Variants in ARIH1 observed in about 807,000 individuals in gnomAD.
ARIH1 encodes the protein ariadne RBR E3 ubiquitin protein ligase 1.
A neutral mutation model predicts 85.0 loss-of-function variants in ARIH1; 8 were observed. The observed-to-expected ratio is 0.09, with a 90% CI of 0.06 to 0.17. The LOEUF (loss-of-function observed/expected upper bound fraction) is 0.17. ARIH1 is among the 10% of genes least tolerant of loss of function. ARIH1 has a pLI of 1.00. For missense variants in ARIH1, 311 were observed against 718.1 expected (o/e 0.43, Z 6.48); for synonymous variants, 238 against 253.6 (o/e 0.94, Z 0.59).
At chr15:72,579,500 C>T (rs2064287009) in intron 11 of ARIH1, among the ~76,000 whole-genome samples, 1 of 152,154 alleles carries the variant, frequency 6.6e-6, no homozygotes, top group Non-Finnish European at 1.5e-5. Context: ...TGTTTTACAT[C>T]TTGTGGCATA....
chr15:72,535,804 G>A (rs1029068588), intron 2 of ARIH1, among the ~76,000 whole-genome samples: 1 of 151,982 alleles, frequency 6.6e-6, no homozygotes, highest in Admixed American at 6.6e-5. Context: ...TTGGAAAGAG[G>A]TGGACAAAAA....
At chr15:72,533,266 A>T (rs1196355509) in intron 2 of ARIH1, among the ~76,000 whole-genome samples, 1 of 152,118 alleles carries the variant, frequency 6.6e-6, no homozygotes, top group Non-Finnish European at 1.5e-5. Flanking sequence ...AGTAGCTGGG[A>T]CTACAGGACC....
chr15:72,582,988 TC>T lies in ARIH1; in HGVS notation c.1590-217del, dbSNP rs1250061871. Among the ~76,000 whole-genome samples the T allele has an allele frequency of 2.6e-5, 4 of 152,182 alleles. No individual in the cohort carries two copies. In the South Asian group the frequency reaches 8.3e-4, roughly 31 times the overall value. Reference sequence around the variant, plus strand: ...AACACTTTATTGCTTTAAAATTAATTCCCATGGAATCATGGCTTTCAGAAAA... The same window carrying T: ...AACACTTTATTGCTTTAAAATTAATTCCATGGAATCATGGCTTTCAGAAAA... On this transcript the variant is annotated intron_variant, in intron 13 of 13. Coordinates refer to ENST00000379887, the MANE Select transcript of ARIH1 (RefSeq NM_005744.5). The surrounding 1 kb of genome is among the most constrained non-coding windows in gnomAD (Gnocchi z 4.6).
intron 1 of ARIH1, among the ~76,000 whole-genome samples, chr15:72,495,952 C>T (rs2063878228): frequency 6.6e-6 from 1 of 151,948 alleles, no homozygotes; most frequent in Admixed American, 6.6e-5. Flanking sequence ...TTTCTGTCAC[C>T]CAAGCTGGAG....
intron 2 of ARIH1, among the ~76,000 whole-genome samples, chr15:72,530,967 G>C (rs2064053898): frequency 6.6e-6 from 1 of 152,172 alleles, no homozygotes; most frequent in Non-Finnish European, 1.5e-5. Context: ...AGATAAAAAT[G>C]ACTGAGAATT....
chr15:72,506,855 G>T (rs28459146), intron 1 of ARIH1, among the ~76,000 whole-genome samples: 334 of 150,550 alleles, frequency 2.2e-3, no homozygotes, highest in African/African-American at 7.8e-3. Flanking sequence ...TGTTTTTTTT[G>T]TTTGTTTTTT....
rs922276450 is a variant in ARIH1 at position 72,584,171 on chromosome 15, C to T, written c.*879C>T. 4 of 152,180 alleles carry T rather than the reference C, an allele frequency of 2.6e-5. No individual in the cohort carries two copies. Among genetic ancestry groups the T allele is most frequent in the Non-Finnish European group, 5.9e-5 (4 of 68,080 alleles). 9.4% of individuals were successfully genotyped at this position (152,180 alleles called of 1,614,324 possible). ...TGGTGTTGGTATGTCTGTTGCCGGC[C>T]ATGGGCCTCATGCCTTGAATTCCTG... is the stretch of plus-strand genomic sequence containing the variant. On this transcript the variant is annotated 3_prime_UTR_variant, in exon 14 of 14. Coordinates refer to ENST00000379887, the MANE Select transcript of ARIH1 (RefSeq NM_005744.5).
rs2064312794 is a variant in ARIH1, at chr15:72,585,588, G to A, written c.*2296G>A. 6.6e-6 allele frequency: 1 copy of A among 151,816 alleles called. No individual in the cohort carries two copies. Among genetic ancestry groups the A allele is most frequent in the Non-Finnish European group, 1.5e-5 (1 of 67,974 alleles). 9.4% of individuals were successfully genotyped at this position (151,816 alleles called of 1,614,324 possible). On this transcript the variant is annotated 3_prime_UTR_variant, in exon 14 of 14. Coordinates refer to ENST00000379887, the MANE Select transcript of ARIH1 (RefSeq NM_005744.5). ...CTAGGTTTGAGTGTCATAAATCCAC[G>A]TGTTCCTGTTGCAACAAATACCCAA...
rs950948194 is a variant in ARIH1 at position 72,598,155 on chromosome 15, C to T, written c.*14863C>T. The T allele has an allele frequency of 1.4e-4, 21 of 152,186 alleles. No homozygotes were observed. The highest frequency in any genetic ancestry group is 1.2e-3 in the Admixed American group (19 of 15,268). 9.4% of individuals were successfully genotyped at this position (152,186 alleles called of 1,614,324 possible). ...TATTTTTTGTTGAGATAGGGTTTTACCATGTTGCCCAGGCTGATCTCAAAC... is the reference window on the plus strand; with the variant it reads ...TATTTTTTGTTGAGATAGGGTTTTATCATGTTGCCCAGGCTGATCTCAAAC... On this transcript the variant is annotated 3_prime_UTR_variant, in exon 14 of 14. Transcript: ENST00000379887.
Position 72,534,761 on chromosome 15 carries a change from A to G in ARIH1, c.444-10059A>G, listed in dbSNP as rs531268563. ...TGAAAACCTTGTGTACATTCACTCC[A>G]TTCTGTATGTCTTTGCTTATAACTG... On this transcript the variant is annotated intron_variant, in intron 2 of 13. Coordinates refer to ENST00000379887, the MANE Select transcript of ARIH1 (RefSeq NM_005744.5). 3.3e-5 allele frequency among the ~76,000 whole-genome samples: 5 copies of G among 152,050 alleles called. No individual in the cohort carries two copies. In the South Asian group the frequency reaches 6.2e-4, roughly 19 times the overall value.
intron 1 of ARIH1, among the ~76,000 whole-genome samples, chr15:72,484,778 T>C (rs988425676): frequency 5.2e-5 from 4 of 76,542 alleles, no homozygotes; most frequent in South Asian, 1.0e-3. Flanking sequence ...TGTATATATA[T>C]ACATATATAT....
rs1175063489 is a variant in ARIH1, at chr15:72,601,581, T to G, written c.*18289T>G. Reference sequence around the variant, plus strand: ...TTTCCCTAAGCTAATGCCTTACCCTTTAGGTCTCATTTTAAACATCTCTTA... The same window carrying G: ...TTTCCCTAAGCTAATGCCTTACCCTGTAGGTCTCATTTTAAACATCTCTTA... On this transcript the variant is annotated 3_prime_UTR_variant, in exon 14 of 14. Transcript: ENST00000379887. 1 of 152,190 alleles carries G rather than the reference T, an allele frequency of 6.6e-6. No homozygotes were observed. The highest frequency in any genetic ancestry group is 1.5e-5 in the Non-Finnish European group (1 of 68,046). The allele number at this position is 152,190 out of a possible 1,614,324, so 9.4% of individuals were successfully genotyped here. A position where few individuals can be genotyped will look rare whatever the true frequency, so the allele number is the denominator to read the frequency against.
chr15:72,516,283 A>G (rs2063974741), intron 1 of ARIH1, among the ~76,000 whole-genome samples: 1 of 152,220 alleles, frequency 6.6e-6, no homozygotes, highest in African/African-American at 2.4e-5. Flanking sequence ...ATTTTAGTTA[A>G]TAACAGGAGA....
At chr15:72,572,219 C>A in intron 11 of ARIH1, 54 bp downstream of exon 11, 181 of 1,099,648 alleles carry the variant, frequency 1.6e-4, no homozygotes, top group Non-Finnish European at 2.2e-4. Context: ...GTTGTATATT[C>A]ATATTCATTA....
rs756058848 is a variant in ARIH1 at position 72,567,156 on chromosome 15, T to C, written c.1005T>C (p.Asn335=). 3.7e-5 allele frequency: 60 copies of C among 1,612,014 alleles called. 1 individual carries two copies. Among genetic ancestry groups the C allele is most frequent in the South Asian group, 2.2e-4 (20 of 90,762 alleles). ...KKCDDDSETS[N]WIAANTKECP... is the part of the protein sequence containing the mutation. Reference sequence around the variant, plus strand: ...GTGATGATGACAGTGAAACCTCCAATTGGATTGCAGCCAACACAAAGGTTG... The same window carrying C: ...GTGATGATGACAGTGAAACCTCCAACTGGATTGCAGCCAACACAAAGGTTG... The change falls in exon 9 of 14, where the codon AAT becomes AAC. Residue 335 remains asparagine, a synonymous_variant. Coordinates refer to ENST00000379887, the MANE Select transcript of ARIH1 (RefSeq NM_005744.5).
intron 1 of ARIH1, among the ~76,000 whole-genome samples, chr15:72,517,149 A>C (rs1478484036): frequency 6.6e-6 from 1 of 152,246 alleles, no homozygotes; most frequent in East Asian, 1.9e-4. Context: ...GCAGCCTAAA[A>C]GTATGCCCTG....
intron 3 of ARIH1, among the ~76,000 whole-genome samples, chr15:72,552,181 A>G (rs1335874542): frequency 5.3e-5 from 8 of 152,258 alleles, no homozygotes; most frequent in Non-Finnish European, 1.2e-4. Context: ...TAGGAAAAAA[A>G]AAGGCAGTGT....
At chr15:72,565,063 T>TTTTTG (rs756895156) in intron 7 of ARIH1, among the ~76,000 whole-genome samples, 3 of 151,812 alleles carry the variant, frequency 2.0e-5, no homozygotes, top group Non-Finnish European at 4.4e-5. Flanking sequence ...GCAAATAGAT[T>TTTTTG]TTTTGTTTTG....
chr15:72,496,971 A>G (rs1346920776), intron 1 of ARIH1: 1 of 453,130 alleles, frequency 2.2e-6, no homozygotes, highest in Non-Finnish European at 2.9e-6. Context: ...CATTTATCCT[A>G]TAAATCTTTG....
Sources: gnomAD v4.1 joint callset for allele counts (sites outside exome capture counted in the v4.1 genomes callset) on GRCh38, gnomAD v4.1.1 for gene constraint, Gnocchi (gnomAD v3.1) non-coding constraint, MANE v1.5 for transcripts, NCBI Gene and HGNC (gene_info 2026-07-23, HGNC 2026-07-21) for gene names.